The following NXNL2 variants were observed in gnomAD, a reference collection of about 807,000 sequenced individuals.
NXNL2 encodes nucleoredoxin like 2, also known as nucleoredoxin-like protein 2.
A neutral mutation model predicts 11.1 loss-of-function variants in NXNL2; 7 were observed. The ratio of observed to expected loss-of-function variants is 0.63; its 90% CI spans 0.36 to 1.18. The LOEUF (loss-of-function observed/expected upper bound fraction) is 1.18, where lower values mean the gene tolerates loss of function less well. Among genes scored for constraint, NXNL2 ranks in the 50% most tolerant of loss-of-function variants. NXNL2 has a pLI of 0.02. For missense variants in NXNL2, 233 were observed against 217.7 expected (o/e 1.07, Z -0.44); for synonymous variants, 109 against 101.8 (o/e 1.07, Z -0.42).
At chr9:88,559,610 A>T (rs761652863) in intron 1 of NXNL2, among the ~76,000 whole-genome samples, 17 of 152,188 alleles carry the variant, frequency 1.1e-4, no homozygotes, top group Non-Finnish European at 1.3e-4. Flanking sequence ...CAGCTACTGC[A>T]GCAGGTCCCT....
chr9:88,577,043 G>A (rs1409946263), downstream of NXNL2, among the ~76,000 whole-genome samples: 1 of 152,126 alleles, frequency 6.6e-6, no homozygotes, highest in Middle Eastern at 3.2e-3. Flanking sequence ...GGGTGAGGGA[G>A]GGTCCTTGCG....
intron 1 of NXNL2, among the ~76,000 whole-genome samples, chr9:88,559,756 A>G (rs988085264): frequency 6.6e-5 from 10 of 152,184 alleles, no homozygotes; most frequent in Admixed American, 3.9e-4. Context: ...TGAAATTGCA[A>G]AACAAATGGC....
intron 1 of NXNL2, among the ~76,000 whole-genome samples, chr9:88,540,975 T>G (rs1829746770): frequency 7.2e-6 from 1 of 139,074 alleles, no homozygotes; most frequent in Non-Finnish European, 1.5e-5. Flanking sequence ...AGCTAGGGTC[T>G]TGCACCATCA....
chr9:88,553,009 G>A (rs1189514791), intron 1 of NXNL2, among the ~76,000 whole-genome samples: 1 of 152,138 alleles, frequency 6.6e-6, no homozygotes, highest in African/African-American at 2.4e-5. Context: ...CTGAAATCCT[G>A]GATGATATCC....
At chr9:88,565,883 G>A (rs1478330054) in intron 1 of NXNL2, among the ~76,000 whole-genome samples, 1 of 152,184 alleles carries the variant, frequency 6.6e-6, no homozygotes, top group Non-Finnish European at 1.5e-5. Context: ...TCTAACAAGT[G>A]TGAGGTGATA....
downstream of NXNL2, among the ~76,000 whole-genome samples, chr9:88,547,023 TA>T (rs1258770049): frequency 6.6e-6 from 1 of 152,194 alleles, no homozygotes; most frequent in Non-Finnish European, 1.5e-5. Flanking sequence ...CGTGTGGACA[TA>T]GACAAGCAGT....
intron 1 of NXNL2, among the ~76,000 whole-genome samples, chr9:88,543,704 A>G (rs1829805176): frequency 6.6e-6 from 1 of 152,226 alleles, no homozygotes; most frequent in African/African-American, 2.4e-5. Context: ...ACTTGTGACA[A>G]CTTAAATTTA....
intron 1 of NXNL2, among the ~76,000 whole-genome samples, chr9:88,564,500 T>G (rs1830139538): frequency 6.6e-6 from 1 of 152,246 alleles, no homozygotes; most frequent in Non-Finnish European, 1.5e-5. Flanking sequence ...CACTGCAACC[T>G]CCGCCTCCAG....
chr9:88,564,742 ATCTG>A (rs1830143042), intron 1 of NXNL2, among the ~76,000 whole-genome samples: 1 of 152,126 alleles, frequency 6.6e-6, no homozygotes, highest in Non-Finnish European at 1.5e-5. Flanking sequence ...CTAATCTATT[ATCTG>A]TCTTTTATTT....
chr9:88,569,980 C>T (rs1327624179), intron 1 of NXNL2, among the ~76,000 whole-genome samples: 1 of 152,074 alleles, frequency 6.6e-6, no homozygotes, highest in Non-Finnish European at 1.5e-5. Flanking sequence ...TGCAGGGCGC[C>T]TCATGTCTGC....
intron 1 of NXNL2, among the ~76,000 whole-genome samples, chr9:88,568,383 G>C (rs917445966): frequency 1.3e-5 from 2 of 152,182 alleles, no homozygotes; most frequent in Non-Finnish European, 2.9e-5. Context: ...AGTAGAGAGA[G>C]CCCGGGGGTG....
chr9:88,575,151 T>A, exon 3 of NXNL2: 1 of 985,326 alleles, frequency 1.0e-6, no homozygotes, highest in African/African-American at 1.7e-5. Flanking sequence ...AGAGTGCAGC[T>A]GTTCTCCCCC....
downstream of NXNL2, among the ~76,000 whole-genome samples, chr9:88,576,291 C>T (rs905671721): frequency 4.6e-5 from 7 of 152,210 alleles, no homozygotes; most frequent in Non-Finnish European, 1.0e-4. Context: ...GAACCCACAG[C>T]GATGGACCTA....
intron 1 of NXNL2, among the ~76,000 whole-genome samples, chr9:88,562,244 G>T (rs1302953707): frequency 6.6e-6 from 1 of 152,110 alleles, no homozygotes; most frequent in African/African-American, 2.4e-5. Flanking sequence ...ATCTGTGTTT[G>T]TTAAAAGTCA....
chr9:88,570,795 T>C (rs1268530977), intron 1 of NXNL2, among the ~76,000 whole-genome samples: 2 of 152,182 alleles, frequency 1.3e-5, no homozygotes, highest in Non-Finnish European at 2.9e-5. Context: ...CAGGCCAGAG[T>C]GCAGTGGCGG....
At chr9:88,537,334 A>T (rs1160285891) in intron 1 of NXNL2, among the ~76,000 whole-genome samples, 1 of 152,084 alleles carries the variant, frequency 6.6e-6, no homozygotes, top group African/African-American at 2.4e-5. Context: ...CGGCACACAG[A>T]TTGGACTGGG....
intron 1 of NXNL2, among the ~76,000 whole-genome samples, chr9:88,539,437 G>T (rs1413236729): frequency 6.6e-6 from 1 of 152,116 alleles, no homozygotes; most frequent in Non-Finnish European, 1.5e-5. Context: ...CATGGCCTTG[G>T]GGAAGAGGTT....
At chr9:88,551,260 T>G (rs988881613) in intron 1 of NXNL2, among the ~76,000 whole-genome samples, 1 of 152,174 alleles carries the variant, frequency 6.6e-6, no homozygotes, top group Admixed American at 6.5e-5. Flanking sequence ...TTTTCTGTCT[T>G]CTGTTTGGTT....
downstream of NXNL2, among the ~76,000 whole-genome samples, chr9:88,576,839 C>T (rs1357053063): frequency 1.3e-5 from 2 of 152,160 alleles, no homozygotes; most frequent in Non-Finnish European, 2.9e-5. Flanking sequence ...AGACACAGCC[C>T]CTGCCATGTT....
Sources: allele counts gnomAD v4.1 joint callset (sites outside exome capture counted in the v4.1 genomes callset), GRCh38; gene constraint gnomAD v4.1.1; transcripts MANE v1.5; gene names NCBI Gene and HGNC (gene_info 2026-07-23, HGNC 2026-07-21).